TUBGCP5: variants seen among roughly 807,000 people sequenced by gnomAD.
TUBGCP5 encodes gamma-tubulin complex component 5.
In TUBGCP5, 98 loss-of-function variants were observed where a neutral mutation model predicts 134.7. The observed-to-expected ratio is 0.73, with a 90% confidence interval of 0.62 to 0.86. The LOEUF (loss-of-function observed/expected upper bound fraction) is 0.86. TUBGCP5 is among the 40% of genes least tolerant of loss of function. TUBGCP5 has a pLI of 0.00. For missense variants in TUBGCP5, 1,150 were observed against 1,244.8 expected, an observed-to-expected ratio of 0.92 and a Z score of 1.15; for synonymous variants, 456 against 431.4, an observed-to-expected ratio of 1.06 and a Z score of -0.71.
chr15:23,023,826 A>C, intron 10 of TUBGCP5, 121 bp downstream of exon 10: 2 of 859,830 alleles, frequency 2.3e-6, no homozygotes, highest in East Asian at 2.9e-5. Flanking sequence ...TTTTAAAAGA[A>C]GCATTCACGA....
chr15:23,014,372 G>A (rs562827846), intron 13 of TUBGCP5, among the ~76,000 whole-genome samples: 16 of 152,320 alleles, frequency 1.1e-4, no homozygotes, highest in African/African-American at 3.6e-4. Flanking sequence ...CATAGGCAGC[G>A]CCTGGGAGTC....
chr15:23,015,662 T>C (rs8039223), intron 13 of TUBGCP5, among the ~76,000 whole-genome samples: 27,122 of 151,960 alleles, frequency 0.18, 3,416 homozygotes, highest in East Asian at 0.5. Flanking sequence ...GCTGGGATTA[T>C]AGGCGTGAGC....
downstream of TUBGCP5, among the ~76,000 whole-genome samples, chr15:22,994,724 G>A (rs72696024): frequency 0.21 from 31,599 of 152,180 alleles, 3,795 homozygotes; most frequent in South Asian, 0.27. Flanking sequence ...AAACACCTAG[G>A]AGTGGGATTG....
At chr15:23,010,245 T>A in intron 14 of TUBGCP5, 112 bp from the exon 15 acceptor site, 1 of 1,169,320 alleles carries the variant, frequency 8.6e-7, no homozygotes, top group Non-Finnish European at 1.2e-6. Context: ...TACCAACTAT[T>A]ACAGAAAGAG....
chr15:23,039,325 C>T, intron 1 of TUBGCP5, 73 bp downstream of exon 1: 1 of 1,253,280 alleles, frequency 8.0e-7, no homozygotes, highest in Non-Finnish European at 1.0e-6. Context: ...GCGCCCCGAC[C>T]CCGGGCTGTG....
chr15:23,039,009 G>A (rs1368795566), intron 1 of TUBGCP5, among the ~76,000 whole-genome samples: 1 of 150,908 alleles, frequency 6.6e-6, no homozygotes, highest in African/African-American at 2.4e-5. Context: ...GCAGGAGTCA[G>A]TGAGAATACA....
intron 4 of TUBGCP5, 39 bp from the exon 5 acceptor site, chr15:23,032,068 T>C (rs764533315): frequency 2.7e-6 from 4 of 1,503,642 alleles, no homozygotes; most frequent in South Asian, 2.4e-5. Context: ...CTTTATTATA[T>C]CTATCTTTGA....
downstream of TUBGCP5, among the ~76,000 whole-genome samples, chr15:22,998,613 C>T (rs758769845): frequency 4.6e-5 from 7 of 151,928 alleles, no homozygotes; most frequent in Non-Finnish European, 1.0e-4. Context: ...CATGTGCCAC[C>T]ATGCTTGGCT....
At chr15:22,988,349 A>C (rs1372916489) in intron 23 of TUBGCP5, among the ~76,000 whole-genome samples, 1 of 151,936 alleles carries the variant, frequency 6.6e-6, no homozygotes, top group Non-Finnish European at 1.5e-5. Context: ...GCAGCCCCCG[A>C]AACTGAGCAG....
Position 23,027,175 on chromosome 15 carries a change from A to G in TUBGCP5, c.737+17T>C. ...TTTCTTCTATCATCACATTAAATGA[A>G]AACTTTAGCTTCTTACCAGACAGCA... On this transcript the variant is annotated intron_variant, in intron 7 of 22. Transcript: ENST00000615383. The G allele has an allele frequency of 6.3e-7, 1 of 1,579,466 alleles. No homozygotes were observed. Among genetic ancestry groups the G allele is most frequent in the Non-Finnish European group, 8.6e-7 (1 of 1,156,644 alleles).
At chr15:22,991,161 G>C (rs747233197) in intron 23 of TUBGCP5, among the ~76,000 whole-genome samples, 2 of 151,608 alleles carry the variant, frequency 1.3e-5, no homozygotes, top group Admixed American at 1.3e-4. Flanking sequence ...GCAGTGGCGC[G>C]ATGTCAGCTC....
At chr15:22,989,097 G>T (rs545896395) in intron 23 of TUBGCP5, among the ~76,000 whole-genome samples, 1 of 151,988 alleles carries the variant, frequency 6.6e-6, no homozygotes, top group Non-Finnish European at 1.5e-5. Context: ...GCCGTGTGAC[G>T]ACATCCCCAG....
chr15:23,011,431 C>T (rs1016426692), intron 13 of TUBGCP5, 100 bp from the exon 14 acceptor site: 133 of 421,142 alleles, frequency 3.2e-4, no homozygotes, highest in Non-Finnish European at 5.0e-4. Context: ...TATTAAGTAA[C>T]AAAATCTATA....
chr15:23,034,045 T>C lies in TUBGCP5; in HGVS notation c.310-1221A>G, dbSNP rs118000124. Among the ~76,000 whole-genome samples the C allele has an allele frequency of 7.6e-3, 1,151 of 152,324 alleles. 8 individuals are homozygous for C. The highest frequency in any genetic ancestry group is 0.012 in the Non-Finnish European group (807 of 68,022). On this transcript the variant is annotated intron_variant, in intron 3 of 22. Transcript: ENST00000615383. ...TGAATAAGCCTTGGCCAGCTTGTGGTAACTGAGCTCTTGAAATATCTGAAC... is the reference window on the plus strand; with the variant it reads ...TGAATAAGCCTTGGCCAGCTTGTGGCAACTGAGCTCTTGAAATATCTGAAC...
downstream of TUBGCP5, among the ~76,000 whole-genome samples, chr15:22,998,916 C>T (rs1178211364): frequency 6.6e-6 from 1 of 152,082 alleles, no homozygotes; most frequent in Non-Finnish European, 1.5e-5. Context: ...CGTGCCCAGC[C>T]CTTGGCTAAT....
At chr15:23,011,447 A>G in intron 13 of TUBGCP5, 116 bp from the exon 14 acceptor site, 1 of 302,844 alleles carries the variant, frequency 3.3e-6, no homozygotes, top group South Asian at 1.5e-4. Flanking sequence ...CTATATATTT[A>G]TATATAAATA....
chr15:23,029,648 C>T (rs1377435046), intron 6 of TUBGCP5, among the ~76,000 whole-genome samples: 1 of 152,088 alleles, frequency 6.6e-6, no homozygotes, highest in East Asian at 1.9e-4. Context: ...CGTTGGGAGG[C>T]AGAGGCAGGT....
intron 21 of TUBGCP5, 73 bp downstream of exon 21, chr15:23,002,992 C>G (rs1403140383): frequency 1.3e-6 from 2 of 1,485,360 alleles, no homozygotes; most frequent in Admixed American, 1.7e-5. Flanking sequence ...CTGGGAAGAC[C>G]CTGTCTCTAA....
intron 3 of TUBGCP5, among the ~76,000 whole-genome samples, chr15:23,033,308 C>T (rs574263606): frequency 5.9e-5 from 9 of 151,974 alleles, no homozygotes; most frequent in Admixed American, 2.0e-4. Context: ...GATGGATTTT[C>T]GCTCTGTCGC....
Sources: gnomAD v4.1 joint callset for allele counts (sites outside exome capture counted in the v4.1 genomes callset) on GRCh38, gnomAD v4.1.1 for gene constraint, MANE v1.5 for transcripts, NCBI Gene and HGNC (gene_info 2026-07-23, HGNC 2026-07-21) for gene names.